SMAGP: variants seen among roughly 807,000 people sequenced by gnomAD.
SMAGP encodes small cell adhesion glycoprotein, also known as small cell transmembrane and glycosylated protein.
In SMAGP, 7 loss-of-function variants were observed where a neutral mutation model predicts 10.1. That is an observed-to-expected ratio of 0.70 (90% CI 0.40 to 1.31). The LOEUF (loss-of-function observed/expected upper bound fraction) is 1.31, where lower values mean the gene tolerates loss of function less well. Ranked by LOEUF, SMAGP falls within the 50% of genes most tolerant of loss-of-function variation. The probability of loss-of-function intolerance (pLI) is 0.01; values close to 1 mark genes in which losing one functional copy is unlikely to be tolerated. For missense variants in SMAGP, 113 were observed against 116.5 expected, an observed-to-expected ratio of 0.97 and a Z score of 0.14; for synonymous variants, 49 against 47.2, an observed-to-expected ratio of 1.04 and a Z score of -0.16.
At position 51,269,311 on chromosome 12, in the gene SMAGP, G is replaced by A; in HGVS notation, c.-33C>T. ...AGTGGTTGAGTTTCTTGGAGAAGAGGCAGATCTGTAGGAAGAGGGGCAAAG... is the reference window on the plus strand; with the variant it reads ...AGTGGTTGAGTTTCTTGGAGAAGAGACAGATCTGTAGGAAGAGGGGCAAAG... On this transcript the variant is annotated 5_prime_UTR_variant, in exon 2 of 4. Coordinates refer to ENST00000603798, the MANE Select transcript of SMAGP (RefSeq NM_001031628.2). 3.1e-6 allele frequency: 5 copies of A among 1,613,614 alleles called. No individual in the cohort carries two copies. The highest frequency in any genetic ancestry group is 4.2e-6 in the Non-Finnish European group (5 of 1,179,568).
chr12:51,262,778 C>A (rs767093686), intron 2 of SMAGP, among the ~76,000 whole-genome samples: 13 of 152,134 alleles, frequency 8.5e-5, no homozygotes, highest in Non-Finnish European at 1.6e-4. Flanking sequence ...TCTTTGTGGT[C>A]CTTGTTCCCA....
intron 2 of SMAGP, among the ~76,000 whole-genome samples, chr12:51,257,998 T>A (rs1367911647): frequency 6.6e-6 from 1 of 151,630 alleles, no homozygotes; most frequent in Non-Finnish European, 1.5e-5. Flanking sequence ...ACAAAAAAAA[T>A]AAAAATAAAA....
intron 2 of SMAGP, among the ~76,000 whole-genome samples, chr12:51,253,159 T>C (rs1011763670): frequency 6.6e-6 from 1 of 152,098 alleles, no homozygotes; most frequent in African/African-American, 2.4e-5. Context: ...CAGCAAGCAT[T>C]AGAAGTCAGA....
chr12:51,265,918 TA>T (rs1944969648), intron 2 of SMAGP, among the ~76,000 whole-genome samples: 1 of 152,160 alleles, frequency 6.6e-6, no homozygotes, highest in East Asian at 1.9e-4. Context: ...CCGTCTCTAC[TA>T]AAAATACAAA....
chr12:51,264,956 A>AAG (rs1201316675), intron 2 of SMAGP, among the ~76,000 whole-genome samples: 1 of 146,528 alleles, frequency 6.8e-6, no homozygotes, highest in Non-Finnish European at 1.5e-5. Context: ...AAAAAAGAGA[A>AAG]AGAGAGAGAG....
intron 2 of SMAGP, among the ~76,000 whole-genome samples, chr12:51,253,144 C>T (rs778227680): frequency 6.6e-6 from 1 of 152,046 alleles, no homozygotes; most frequent in African/African-American, 2.4e-5. Context: ...GCTTTGAACT[C>T]GAAACAGCAA....
In SMAGP at chr12:51,246,495, C is replaced by G. The variant is rs186212058; in HGVS notation, c.115+256G>C. ...CAACCAACCACATATATCCTCGTCC[C>G]TACCCACGTACTCAAGTGTAACGTC... On this transcript the variant is annotated intron_variant, in intron 3 of 3. Coordinates refer to ENST00000603798, the MANE Select transcript of SMAGP (RefSeq NM_001031628.2). 151 of 446,714 alleles carry G rather than the reference C, an allele frequency of 3.4e-4. 1 individual carries two copies. In the East Asian group the frequency reaches 5.3e-3, roughly 16 times the overall value. The allele number at this position is 446,714 out of a possible 1,614,324, so 27.7% of individuals were successfully genotyped here.
At chr12:51,267,563 G>A (rs1307508230) in intron 2 of SMAGP, among the ~76,000 whole-genome samples, 3 of 148,240 alleles carry the variant, frequency 2.0e-5, no homozygotes, top group Non-Finnish European at 3.0e-5. Flanking sequence ...GCATGATCTC[G>A]GCTCATTGCA....
chr12:51,257,315 G>A (rs916949543), intron 2 of SMAGP, among the ~76,000 whole-genome samples: 1 of 150,754 alleles, frequency 6.6e-6, no homozygotes, highest in African/African-American at 2.5e-5. Flanking sequence ...ATTGGAATAG[G>A]AGGAAAAGCA....
chr12:51,246,719 A>T, intron 3 of SMAGP, 32 bp downstream of exon 3: 1 of 1,501,964 alleles, frequency 6.7e-7, no homozygotes, highest in East Asian at 2.5e-5. Context: ...TTGATCCAGA[A>T]GGTCCCTTGG....
At chr12:51,264,934 GAA>G (rs757470160) in intron 2 of SMAGP, among the ~76,000 whole-genome samples, 167 of 68,652 alleles carry the variant, frequency 2.4e-3, no homozygotes, top group African/African-American at 7.9e-3. Flanking sequence ...TCCATCGCCA[GAA>G]AAAAAAAAAA....
At chr12:51,260,166 C>T (rs1178529105) in intron 2 of SMAGP, among the ~76,000 whole-genome samples, 2 of 151,458 alleles carry the variant, frequency 1.3e-5, no homozygotes, top group South Asian at 4.2e-4. Context: ...CTACTTTGTA[C>T]CACGCCTAGA....
At position 51,252,205 on chromosome 12, in the gene SMAGP, T is replaced by C. The variant is rs180931253; in HGVS notation, c.35-5374A>G. ...GTCTCCCAGGTTCTAGCGATTCTCC[T>C]GCCTCAGCCTCCCGAGTAGCTGGGA... On this transcript the variant is annotated intron_variant, in intron 2 of 3. Transcript: ENST00000603798. 2.6e-3 allele frequency among the ~76,000 whole-genome samples: 388 copies of C among 151,710 alleles called. 3 individuals carry two copies. Among genetic ancestry groups the C allele is most frequent in the African/African-American group, 8.7e-3 (360 of 41,360 alleles).
At chr12:51,264,339 G>C (rs1445900729) in intron 2 of SMAGP, among the ~76,000 whole-genome samples, 3 of 152,206 alleles carry the variant, frequency 2.0e-5, no homozygotes, top group Non-Finnish European at 4.4e-5. Context: ...TCACTCGCTG[G>C]ATCAAGAATG....
At chr12:51,252,433 C>G (rs1944847251) in intron 2 of SMAGP, among the ~76,000 whole-genome samples, 1 of 151,492 alleles carries the variant, frequency 6.6e-6, no homozygotes, top group African/African-American at 2.4e-5. Flanking sequence ...ACTGTGTCAC[C>G]CAGGCTGGAG....
intron 2 of SMAGP, among the ~76,000 whole-genome samples, chr12:51,253,244 AG>A (rs1944856940): frequency 6.6e-6 from 1 of 152,180 alleles, no homozygotes; most frequent in African/African-American, 2.4e-5. Context: ...GTTCCTAGAC[AG>A]GGAAATTAAA....
intron 2 of SMAGP, among the ~76,000 whole-genome samples, chr12:51,259,474 A>C (rs1219226212): frequency 6.6e-6 from 1 of 152,164 alleles, no homozygotes; most frequent in East Asian, 1.9e-4. Flanking sequence ...ATAAACACAG[A>C]CACATTTCAA....
chr12:51,257,139 A>T (rs1193770362), intron 2 of SMAGP, among the ~76,000 whole-genome samples: 7 of 152,130 alleles, frequency 4.6e-5, no homozygotes, highest in African/African-American at 1.7e-4. Context: ...AGGGAGTTCA[A>T]ATTTGTTTGT....
chr12:51,257,144 G>A (rs1358927526), intron 2 of SMAGP, among the ~76,000 whole-genome samples: 2 of 152,132 alleles, frequency 1.3e-5, no homozygotes, highest in African/African-American at 4.8e-5. Flanking sequence ...GTTCAAATTT[G>A]TTTGTTTTTC....
Sources: gnomAD v4.1 joint callset for allele counts (sites outside exome capture counted in the v4.1 genomes callset) on GRCh38, gnomAD v4.1.1 for gene constraint, MANE v1.5 for transcripts, NCBI Gene and HGNC (gene_info 2026-07-23, HGNC 2026-07-21) for gene names.